KCNC2: variants seen among roughly 807,000 people sequenced by gnomAD.
KCNC2 encodes potassium voltage-gated channel subfamily C member 2.
Under a neutral mutation model 44.5 loss-of-function variants are expected in KCNC2, and 21 were observed. The observed-to-expected ratio is 0.47, with a 90% confidence interval of 0.33 to 0.68. The LOEUF (loss-of-function observed/expected upper bound fraction) is 0.68, where lower values mean the gene tolerates loss of function less well. Among genes scored for constraint, KCNC2 ranks in the 30% least tolerant of loss-of-function variants. The pLI is 0.01. For missense variants in KCNC2, 589 were observed against 826.2 expected, an observed-to-expected ratio of 0.71 and a Z score of 3.52; for synonymous variants, 391 against 339.1, an observed-to-expected ratio of 1.15 and a Z score of -1.68.
chr12:75,080,444 G>T (rs1565836665), intron 2 of KCNC2, among the ~76,000 whole-genome samples: 1 of 151,588 alleles, frequency 6.6e-6, no homozygotes, highest in Non-Finnish European at 1.5e-5. Context: ...AACTATTCAA[G>T]TCATCTCTTG....
chr12:75,122,632 C>T (rs1454044943), intron 2 of KCNC2, among the ~76,000 whole-genome samples: 2 of 151,886 alleles, frequency 1.3e-5, no homozygotes, highest in Non-Finnish European at 2.9e-5. Flanking sequence ...ATAGAATTTT[C>T]GTAGTTGGTC....
chr12:75,085,626 AT>A (rs879818365), intron 2 of KCNC2, among the ~76,000 whole-genome samples: 2 of 152,050 alleles, frequency 1.3e-5, no homozygotes, highest in Non-Finnish European at 2.9e-5. Context: ...AGCTCCATTA[AT>A]TCTCTTAGGT....
intron 2 of KCNC2, among the ~76,000 whole-genome samples, chr12:75,095,512 C>T (rs1324899194): frequency 6.6e-6 from 1 of 151,804 alleles, no homozygotes; most frequent in African/African-American, 2.4e-5. Context: ...TGTTTTCCTT[C>T]ATTCCTCCAG....
At position 75,198,256 on chromosome 12, in the gene KCNC2, A is replaced by G. The variant is rs556964475; in HGVS notation, c.687+9041T>C. Among the ~76,000 whole-genome samples, 3 of 152,064 alleles carry G rather than the reference A, an allele frequency of 2.0e-5. No individual in the cohort carries two copies. The South Asian group carries it at 6.2e-4, about 31-fold the overall frequency. ...CATAAGCATACAGCATACACAAATGATACAAATATGAAAGTTGCTCAACTT... is the reference window on the plus strand; with the variant it reads ...CATAAGCATACAGCATACACAAATGGTACAAATATGAAAGTTGCTCAACTT... On this transcript the variant is annotated intron_variant, in intron 2 of 4. Transcript: ENST00000549446.
At position 75,113,299 on chromosome 12, in the gene KCNC2, T is replaced by C. The variant is rs59447682; in HGVS notation, c.688-61982A>G. On this transcript the variant is annotated intron_variant, in intron 2 of 4. Transcript: ENST00000549446. ...GCGATTTGGACCAGTAAGGTAAACA[T>C]ACTTAAGTTTCATAATAAAAGACCT... 1.6e-3 allele frequency among the ~76,000 whole-genome samples: 247 copies of C among 152,256 alleles called. 2 individuals are homozygous for C. Among genetic ancestry groups the C allele is most frequent in the African/African-American group, 5.8e-3 (240 of 41,554 alleles).
intron 2 of KCNC2, among the ~76,000 whole-genome samples, chr12:75,086,675 A>ATATATATATATATATAT (rs1482026052): frequency 3.9e-5 from 3 of 76,728 alleles, no homozygotes; most frequent in African/African-American, 2.6e-4. Context: ...AAAAAAAAAA[A>ATATATATATATATATAT]AAAAAAATAT....
At chr12:75,102,277 G>A (rs1017340402) in intron 2 of KCNC2, among the ~76,000 whole-genome samples, 15 of 151,874 alleles carry the variant, frequency 9.9e-5, no homozygotes, top group Middle Eastern at 3.2e-3. Flanking sequence ...TGCACACTAC[G>A]TAAGGACAAA....
At chr12:75,065,512 T>C (rs908332689) in intron 2 of KCNC2, among the ~76,000 whole-genome samples, 6 of 152,122 alleles carry the variant, frequency 3.9e-5, no homozygotes, top group Admixed American at 6.5e-5. Context: ...GTATATACCA[T>C]AGTGTTGTCA....
chr12:75,203,652 T>C lies in KCNC2; in HGVS notation c.687+3645A>G, dbSNP rs2031469997. Reference sequence around the variant, plus strand: ...TGCTTTAAAAGTAAAAAACAGAAGATCTGCCAAGTAATCAAAGATATGCAT... The same window carrying C: ...TGCTTTAAAAGTAAAAAACAGAAGACCTGCCAAGTAATCAAAGATATGCAT... On this transcript the variant is annotated intron_variant, in intron 2 of 4. Coordinates refer to ENST00000549446, the MANE Select transcript of KCNC2 (RefSeq NM_139137.4). 1.3e-5 allele frequency among the ~76,000 whole-genome samples: 2 copies of C among 151,954 alleles called. 1 individual carries two copies. The highest frequency in any genetic ancestry group is 1.3e-4 in the Admixed American group (2 of 15,250).
chr12:75,173,019 T>C (rs1363422476), intron 2 of KCNC2, among the ~76,000 whole-genome samples: 2 of 151,868 alleles, frequency 1.3e-5, no homozygotes, highest in African/African-American at 4.8e-5. Context: ...CATTTTATGA[T>C]CAAACTCAAA....
chr12:75,080,445 T>A (rs1170001182), intron 2 of KCNC2, among the ~76,000 whole-genome samples: 2 of 150,766 alleles, frequency 1.3e-5, no homozygotes, highest in Non-Finnish European at 3.0e-5. Flanking sequence ...ACTATTCAAG[T>A]CATCTCTTGG....
intron 2 of KCNC2, among the ~76,000 whole-genome samples, chr12:75,055,082 A>AT (rs1173105437): frequency 6.6e-6 from 1 of 152,180 alleles, no homozygotes; most frequent in Non-Finnish European, 1.5e-5. Flanking sequence ...TTTTATTTGT[A>AT]TTTTTTCCTT....
At chr12:75,084,354 T>C (rs1369498791) in intron 2 of KCNC2, among the ~76,000 whole-genome samples, 1 of 149,958 alleles carries the variant, frequency 6.7e-6, no homozygotes, top group African/African-American at 2.5e-5. Flanking sequence ...GTGTCCAGTA[T>C]GGTTTGGCTG....
At position 75,182,160 on chromosome 12, in the gene KCNC2, G is replaced by C. The variant is rs80152073; in HGVS notation, c.687+25137C>G. 4.2e-3 allele frequency among the ~76,000 whole-genome samples: 631 copies of C among 151,662 alleles called. 38 individuals are homozygous for C. The East Asian group carries it at 0.11, about 25-fold the overall frequency. The stretch of plus-strand genomic sequence containing the variant: ...CAAAGCCCTGCCCTGTCCACTCCAT[G>C]ACAACTGCCTCTGCATGAATGCTTC... On this transcript the variant is annotated intron_variant, in intron 2 of 4. Coordinates refer to ENST00000549446, the MANE Select transcript of KCNC2 (RefSeq NM_139137.4).
chr12:75,169,875 T>G (rs1441995633), intron 2 of KCNC2, among the ~76,000 whole-genome samples: 1 of 151,742 alleles, frequency 6.6e-6, no homozygotes, highest in Non-Finnish European at 1.5e-5. Context: ...GAGAATGTCA[T>G]TAACTGCTGT....
chr12:75,123,348 T>C (rs1888174638), intron 2 of KCNC2, among the ~76,000 whole-genome samples: 2 of 152,162 alleles, frequency 1.3e-5, no homozygotes, highest in South Asian at 4.1e-4. Flanking sequence ...AGCATAAAAA[T>C]AGATACAATA....
chr12:75,174,542 A>G (rs1020965479), intron 2 of KCNC2, among the ~76,000 whole-genome samples: 1 of 151,898 alleles, frequency 6.6e-6, no homozygotes, highest in African/African-American at 2.4e-5. Flanking sequence ...TAGTCTGAAA[A>G]TGTTCCATAT....
intron 2 of KCNC2, among the ~76,000 whole-genome samples, chr12:75,141,370 A>G (rs1332371809): frequency 6.6e-6 from 1 of 152,226 alleles, no homozygotes; most frequent in Non-Finnish European, 1.5e-5. Context: ...ATAAATCGAT[A>G]AAGTTTCTTT....
intron 2 of KCNC2, among the ~76,000 whole-genome samples, chr12:75,081,810 G>A (rs979805127): frequency 2.0e-5 from 3 of 151,916 alleles, no homozygotes; most frequent in East Asian, 3.9e-4. Flanking sequence ...GCTACGTTTA[G>A]AAAACAAGCA....
Sources: gnomAD v4.1 joint callset for allele counts (sites outside exome capture counted in the v4.1 genomes callset) on GRCh38, gnomAD v4.1.1 for gene constraint, MANE v1.5 for transcripts, NCBI Gene and HGNC (gene_info 2026-07-23, HGNC 2026-07-21) for gene names.